PDE8A: variants seen among roughly 807,000 people sequenced by gnomAD.
PDE8A encodes high affinity cAMP-specific and IBMX-insensitive 3',5'-cyclic phosphodiesterase 8A.
In PDE8A, 59 loss-of-function variants were observed where a neutral mutation model predicts 105.0. That is an observed-to-expected ratio of 0.56 (90% CI 0.46 to 0.70). The LOEUF (loss-of-function observed/expected upper bound fraction) is 0.70, where lower values mean the gene tolerates loss of function less well. Among genes scored for constraint, PDE8A ranks in the 30% least tolerant of loss-of-function variants. The probability of loss-of-function intolerance (pLI) is 0.00; values close to 1 mark genes in which losing one functional copy is unlikely to be tolerated. For missense variants in PDE8A, 1,014 were observed against 1,045.9 expected (o/e 0.97, Z 0.42); for synonymous variants, 355 against 371.9 (o/e 0.95, Z 0.52).
At chr15:85,137,500 C>G (rs1479274011) in intron 21 of PDE8A, among the ~76,000 whole-genome samples, 20 of 152,312 alleles carry the variant, frequency 1.3e-4, no homozygotes. Context: ...CTTTCTGACA[C>G]CCCAGGCCCA....
chr15:85,020,342 GC>G (rs1037506929), intron 1 of PDE8A, among the ~76,000 whole-genome samples: 2 of 152,198 alleles, frequency 1.3e-5, no homozygotes, highest in Admixed American at 1.3e-4. Flanking sequence ...AGTGGCTCAT[GC>G]CTGTAATCCC....
chr15:85,038,332 C>T (rs888022985), intron 1 of PDE8A, among the ~76,000 whole-genome samples: 1 of 151,966 alleles, frequency 6.6e-6, no homozygotes, highest in Non-Finnish European at 1.5e-5. Context: ...GATACTTTCT[C>T]CAACTTCGTG....
chr15:85,012,138 G>A (rs2080249233), intron 1 of PDE8A, among the ~76,000 whole-genome samples: 1 of 152,158 alleles, frequency 6.6e-6, no homozygotes, highest in South Asian at 2.1e-4. Flanking sequence ...AAGTCAGTGT[G>A]GTGATTCCTC....
intron 20 of PDE8A, among the ~76,000 whole-genome samples, chr15:85,128,382 C>T (rs1377922346): frequency 1.3e-5 from 2 of 152,096 alleles, no homozygotes; most frequent in Non-Finnish European, 2.9e-5. Context: ...GGTGGTGGCA[C>T]GTGCCTGTGG....
intron 1 of PDE8A, among the ~76,000 whole-genome samples, chr15:85,033,583 A>C (rs2080652208): frequency 6.6e-6 from 1 of 151,912 alleles, no homozygotes. Flanking sequence ...AGCTGGTCCA[A>C]GCCAGGCGTG....
rs768282287 is a variant in PDE8A at position 85,113,887 on chromosome 15, C to T, written c.1200C>T (p.Ile400=). ...CCATAATGTAGGTAATCAATATTAT[C>T]AATGCTGCCCAGGAAAGTAGTCCCA... The part of the protein sequence containing the change: ...EAPITKVINI[I]NAAQESSPMP... The change falls in exon 14 of 22, where the codon ATC becomes ATT. Residue 400 remains isoleucine (I), a synonymous_variant. Transcript: ENST00000394553. The T allele has an allele frequency of 1.2e-6, 2 of 1,610,926 alleles. No homozygotes were observed. The highest frequency in any genetic ancestry group is 8.5e-7 in the Non-Finnish European group (1 of 1,178,340).
intron 1 of PDE8A, among the ~76,000 whole-genome samples, chr15:84,990,035 G>A (rs1481218702): frequency 6.6e-6 from 1 of 152,070 alleles, no homozygotes; most frequent in African/African-American, 2.4e-5. Flanking sequence ...AAATATTGCA[G>A]TATGTATATC....
chr15:85,013,041 T>A (rs1016673577), intron 1 of PDE8A, among the ~76,000 whole-genome samples: 1 of 152,222 alleles, frequency 6.6e-6, no homozygotes, highest in African/African-American at 2.4e-5. Context: ...TAAATGGAGC[T>A]TTGTACTCTT....
rs777262547 is a variant in PDE8A at position 85,083,545 on chromosome 15, T to C, written c.547-11T>C. On this transcript the variant is annotated splice_polypyrimidine_tract_variant and intron_variant, in intron 5 of 21. Coordinates refer to ENST00000394553, the MANE Select transcript of PDE8A (RefSeq NM_002605.3). Reference sequence around the variant, plus strand: ...TTTGTTTATCCACAAAATTCCTCTTTCTGTTTGTAGAGGTATGTAGAAAAC... The same window carrying C: ...TTTGTTTATCCACAAAATTCCTCTTCCTGTTTGTAGAGGTATGTAGAAAAC... The C allele has an allele frequency of 1.3e-6, 2 of 1,568,768 alleles. No individual in the cohort carries two copies. Among genetic ancestry groups the C allele is most frequent in the African/African-American group, 1.4e-5 (1 of 74,032 alleles).
chr15:85,108,495 CAA>C (rs1297492074), intron 11 of PDE8A, among the ~76,000 whole-genome samples: 7 of 152,112 alleles, frequency 4.6e-5, no homozygotes, highest in Non-Finnish European at 1.0e-4. Flanking sequence ...AGAGAAGAGT[CAA>C]AGACAGTCCC....
At chr15:85,073,754 G>A (rs1596491622) in intron 3 of PDE8A, among the ~76,000 whole-genome samples, 2 of 152,244 alleles carry the variant, frequency 1.3e-5, no homozygotes. Context: ...TGAGATCAGT[G>A]TTAGGATGAG....
At chr15:85,008,692 C>G (rs886887911) in intron 1 of PDE8A, among the ~76,000 whole-genome samples, 7 of 152,122 alleles carry the variant, frequency 4.6e-5, no homozygotes, top group Admixed American at 1.3e-4. Context: ...CCCAAGGGTG[C>G]GAGCCTATCA....
chr15:85,034,128 A>C (rs1279668619), intron 1 of PDE8A, among the ~76,000 whole-genome samples: 1 of 152,174 alleles, frequency 6.6e-6, no homozygotes, highest in Non-Finnish European at 1.5e-5. Flanking sequence ...GTAAAGGAGA[A>C]ATTTTGACTC....
chr15:84,982,496 C>G, intron 1 of PDE8A, 148 bp downstream of exon 1: 1 of 471,554 alleles, frequency 2.1e-6, no homozygotes, highest in Non-Finnish European at 3.4e-6. Context: ...CGCCAGTCTC[C>G]CGCCTTGCCG....
In PDE8A at chr15:85,137,913, C is replaced by G; in HGVS notation, c.*10C>G. Reference sequence around the variant, plus strand: ...ACCACCTCCTGAATAGTGGGAGACACCACCCAGAGCCCTGAAGCTTTGTTC... The same window carrying G: ...ACCACCTCCTGAATAGTGGGAGACAGCACCCAGAGCCCTGAAGCTTTGTTC... On this transcript the variant is annotated 3_prime_UTR_variant, in exon 22 of 22. Transcript: ENST00000394553. 1 of 1,492,340 alleles carries G rather than the reference C, an allele frequency of 6.7e-7. No homozygotes were observed. Among genetic ancestry groups the G allele is most frequent in the Non-Finnish European group, 9.4e-7 (1 of 1,069,016 alleles). 92.4% of individuals were successfully genotyped at this position (1,492,340 alleles called of 1,614,324 possible).
intron 1 of PDE8A, among the ~76,000 whole-genome samples, chr15:85,052,320 T>A (rs2080989143): frequency 6.6e-6 from 1 of 152,238 alleles, no homozygotes; most frequent in Non-Finnish European, 1.5e-5. Flanking sequence ...TGATTTATAA[T>A]CCTTTGGGTA....
At chr15:85,086,117 G>A (rs1235710018) in intron 6 of PDE8A, among the ~76,000 whole-genome samples, 1 of 152,074 alleles carries the variant, frequency 6.6e-6, no homozygotes, top group Non-Finnish European at 1.5e-5. Flanking sequence ...GTGATAGTTG[G>A]TTGACTAGCT....
At chr15:85,069,404 C>T (rs1389569251) in intron 3 of PDE8A, among the ~76,000 whole-genome samples, 1 of 152,182 alleles carries the variant, frequency 6.6e-6, no homozygotes, top group Non-Finnish European at 1.5e-5. Flanking sequence ...ACTTTGTCCA[C>T]AGTTGGCGCA....
chr15:85,097,071 G>T (rs1329106227), intron 8 of PDE8A, among the ~76,000 whole-genome samples: 1 of 152,170 alleles, frequency 6.6e-6, no homozygotes, highest in Non-Finnish European at 1.5e-5. Context: ...TCAACTCTAG[G>T]TCCTGAGGGA....
Sources: gnomAD v4.1 joint callset for allele counts (sites outside exome capture counted in the v4.1 genomes callset) on GRCh38, gnomAD v4.1.1 for gene constraint, MANE v1.5 for transcripts, NCBI Gene and HGNC (gene_info 2026-07-23, HGNC 2026-07-21) for gene names.